ZC3H12B: variants seen among roughly 807,000 people sequenced by gnomAD.
ZC3H12B encodes the protein probable ribonuclease ZC3H12B.
A neutral mutation model predicts 43.9 loss-of-function variants in ZC3H12B; 7 were observed. The ratio of observed to expected loss-of-function variants is 0.16; its 90% CI spans 0.09 to 0.30. ZC3H12B has a LOEUF of 0.30. Among genes scored for constraint, ZC3H12B ranks in the 10% least tolerant of loss-of-function variants. The pLI is 1.00. For synonymous variants in ZC3H12B, 222 were observed against 241.7 expected, an observed-to-expected ratio of 0.92 and a Z score of 0.76; for missense variants, 475 against 670.2, an observed-to-expected ratio of 0.71 and a Z score of 3.22.
the ZC3H12B span, among the ~76,000 whole-genome samples, chrX:65,069,206 T>A: frequency 9.3e-6 from 1 of 107,863 alleles, no homozygotes; most frequent in African/African-American, 3.4e-5. Flanking sequence ...TCGCTATGAA[T>A]CAACTTTCTT....
intron 3 of ZC3H12B, among the ~76,000 whole-genome samples, chrX:65,452,372 A>G (rs755895118): frequency 7.2e-5 from 8 of 110,907 alleles, no homozygotes; most frequent in Non-Finnish European, 1.1e-4. Context: ...ATCATTAGCT[A>G]TGCTATACAT....
the ZC3H12B span, among the ~76,000 whole-genome samples, chrX:65,068,104 AC>A: frequency 2.4e-5 from 1 of 42,217 alleles, no homozygotes; most frequent in South Asian, 7.3e-4. Flanking sequence ...ACTTGATGTT[AC>A]TTTTTTTTTT....
At chrX:65,158,908 C>G in the ZC3H12B span, among the ~76,000 whole-genome samples, 1 of 111,869 alleles carries the variant, frequency 8.9e-6, no homozygotes, top group South Asian at 3.7e-4. Context: ...GGTTTTAGGT[C>G]TAACATTTAA....
At chrX:65,215,299 G>A in the ZC3H12B span, among the ~76,000 whole-genome samples, 2 of 111,606 alleles carry the variant, frequency 1.8e-5, no homozygotes, top group African/African-American at 3.3e-5. Flanking sequence ...TGTGAAAGTC[G>A]TCGATGGCAG....
intron 2 of ZC3H12B, among the ~76,000 whole-genome samples, chrX:65,391,446 A>T (rs1313501386): frequency 9.0e-6 from 1 of 111,676 alleles, no homozygotes; most frequent in East Asian, 2.8e-4. Context: ...CTTTTTGGGC[A>T]GATTTTGATT....
the ZC3H12B span, among the ~76,000 whole-genome samples, chrX:65,275,098 A>G: frequency 8.9e-6 from 1 of 112,748 alleles, no homozygotes; most frequent in African/African-American, 3.2e-5. Context: ...TCCAAGGACT[A>G]TAAGATGGCC....
At chrX:65,041,305 C>T in the ZC3H12B span, among the ~76,000 whole-genome samples, 10 of 111,673 alleles carry the variant, frequency 9.0e-5, no homozygotes, top group Admixed American at 6.7e-4. Flanking sequence ...ATATAGTAGT[C>T]GTGCTAAAAA....
chrX:65,398,731 G>C (rs2066730453), intron 3 of ZC3H12B, 27 bp downstream of exon 5: 1 of 111,448 alleles, frequency 9.0e-6, no homozygotes, highest in Non-Finnish European at 1.9e-5. Context: ...TTTTTTCTTT[G>C]TAAATTACCC....
At chrX:65,054,747 T>C in the ZC3H12B span, among the ~76,000 whole-genome samples, 21 of 111,738 alleles carry the variant, frequency 1.9e-4, no homozygotes, top group African/African-American at 6.8e-4. Flanking sequence ...TTTTTTTGTA[T>C]CCTCTTTTAT....
the ZC3H12B span, among the ~76,000 whole-genome samples, chrX:65,217,118 G>T: frequency 1.8e-5 from 2 of 111,526 alleles, no homozygotes; most frequent in Non-Finnish European, 3.8e-5. Context: ...ACTCCTGCTT[G>T]GGGGAAGGGA....
intron 2 of ZC3H12B, among the ~76,000 whole-genome samples, chrX:65,382,598 G>A (rs1373610733): frequency 9.0e-6 from 1 of 111,330 alleles, no homozygotes; most frequent in Non-Finnish European, 1.9e-5. Flanking sequence ...GGAAGTTCTG[G>A]CTAGGGCAAT....
At chrX:65,405,038 TGATAA>T (rs2066806309) in intron 3 of ZC3H12B, among the ~76,000 whole-genome samples, 1 of 112,233 alleles carries the variant, frequency 8.9e-6, no homozygotes, top group Admixed American at 9.4e-5. Flanking sequence ...TAGAAATTAA[TGATAA>T]GATAAATTTG....
the ZC3H12B span, among the ~76,000 whole-genome samples, chrX:65,214,806 G>A: frequency 9.0e-6 from 1 of 111,457 alleles, no homozygotes; most frequent in African/African-American, 3.3e-5. Flanking sequence ...TGCATCAGAG[G>A]AATCACTGTC....
the ZC3H12B span, among the ~76,000 whole-genome samples, chrX:65,126,857 TG>T: frequency 2.8e-5 from 3 of 108,815 alleles, no homozygotes; most frequent in African/African-American, 3.3e-5. Context: ...AGATTGTGAT[TG>T]TTTTTTTATT....
the ZC3H12B span, among the ~76,000 whole-genome samples, chrX:65,355,467 T>C: frequency 2.7e-3 from 303 of 111,761 alleles, no homozygotes; most frequent in Middle Eastern, 9.1e-3. Context: ...AGCAGTATTA[T>C]ACTTGCTAAT....
chrX:65,128,325 G>A, the ZC3H12B span, among the ~76,000 whole-genome samples: 1 of 111,889 alleles, frequency 8.9e-6, no homozygotes, highest in Non-Finnish European at 1.9e-5. Context: ...TTGACCTATG[G>A]AATATGAAGA....
chrX:65,082,147 A>G, the ZC3H12B span, among the ~76,000 whole-genome samples: 1 of 111,723 alleles, frequency 9.0e-6, no homozygotes, highest in Non-Finnish European at 1.9e-5. Flanking sequence ...GTATATATCT[A>G]TAAGTGTCTA....
chrX:65,389,718 C>T (rs768785201), intron 2 of ZC3H12B, among the ~76,000 whole-genome samples: 8 of 112,457 alleles, frequency 7.1e-5, no homozygotes, highest in South Asian at 7.4e-4. Context: ...CCGTCTTCTG[C>T]GTCGCTCATG....
the ZC3H12B span, among the ~76,000 whole-genome samples, chrX:65,170,525 T>G: frequency 1.1e-4 from 12 of 111,443 alleles, no homozygotes; most frequent in Non-Finnish European, 2.1e-4. Flanking sequence ...GAATTGCTCT[T>G]CTCTAGGAGT....
Sources: gnomAD v4.1 joint callset for allele counts (sites outside exome capture counted in the v4.1 genomes callset) on GRCh38, gnomAD v4.1.1 for gene constraint, MANE v1.5 for transcripts, NCBI Gene and HGNC (gene_info 2026-07-23, HGNC 2026-07-21) for gene names.